The following ASB2 variants were observed in gnomAD, a reference collection of about 807,000 sequenced individuals.
ASB2 encodes ankyrin repeat and SOCS box protein 2.
Under a neutral mutation model 62.4 loss-of-function variants are expected in ASB2, and 58 were observed. The observed-to-expected ratio is 0.93, with a 90% CI of 0.75 to 1.16. The LOEUF (loss-of-function observed/expected upper bound fraction) is 1.16. Ranked by LOEUF, ASB2 falls within the 50% of genes most tolerant of loss-of-function variation. ASB2 has a pLI of 0.00. For missense variants in ASB2, 928 were observed against 887.9 expected, an observed-to-expected ratio of 1.05 and a Z score of -0.57; for synonymous variants, 386 against 385.3, an observed-to-expected ratio of 1.00 and a Z score of -0.02.
rs182149151 is a variant in ASB2, at chr14:93,938,726, C to T, written c.1617+382G>A. On this transcript the variant is annotated intron_variant, in intron 8 of 9. Coordinates refer to ENST00000555019, the MANE Select transcript of ASB2 (RefSeq NM_001202429.2). ...CCTCTTAGTTTGGCAGAGTTCTCCG[C>T]TCCATCATTGGTTCCTTAAATTCCC... 1.9e-4 allele frequency among the ~76,000 whole-genome samples: 29 copies of T among 151,126 alleles called. 1 individual carries two copies. In the Middle Eastern group the frequency reaches 0.01, roughly 53 times the overall value.
At chr14:93,940,838 A>G (rs1888490809) in intron 7 of ASB2, among the ~76,000 whole-genome samples, 1 of 152,222 alleles carries the variant, frequency 6.6e-6, no homozygotes. Context: ...ATGAGGAGAC[A>G]TAAGCCCAGA....
intron 1 of ASB2, among the ~76,000 whole-genome samples, chr14:93,966,606 A>G (rs1454751348): frequency 6.6e-6 from 1 of 152,250 alleles, no homozygotes; most frequent in Admixed American, 6.5e-5. Flanking sequence ...ATTATGTTGC[A>G]GAACTGCTGA....
chr14:93,949,956 A>C (rs1888890944), intron 6 of ASB2, among the ~76,000 whole-genome samples: 2 of 152,168 alleles, frequency 1.3e-5, no homozygotes, highest in Admixed American at 1.3e-4. Flanking sequence ...ACCTGGGCAG[A>C]GTCCCGTGCT....
chr14:93,967,358 GTC>G (rs60663783), intron 1 of ASB2, among the ~76,000 whole-genome samples: 9,117 of 152,128 alleles, frequency 0.06, 747 homozygotes, highest in African/African-American at 0.18. Flanking sequence ...TCTAAAGCTG[GTC>G]TGGCTTTACA....
chr14:93,972,277 T>C (rs1439138098), intron 1 of ASB2, among the ~76,000 whole-genome samples: 1 of 151,954 alleles, frequency 6.6e-6, no homozygotes, highest in African/African-American at 2.4e-5. Flanking sequence ...AACTTATCTT[T>C]CTGATCTGCC....
intron 9 of ASB2, among the ~76,000 whole-genome samples, chr14:93,936,555 C>T (rs1018358415): frequency 2.6e-5 from 4 of 152,230 alleles, no homozygotes; most frequent in African/African-American, 4.8e-5. Context: ...GGCAAGCTGA[C>T]GCCTCCCTCC....
chr14:93,961,186 TTATTTG>T (rs1889398600), intron 2 of ASB2, among the ~76,000 whole-genome samples: 1 of 152,168 alleles, frequency 6.6e-6, no homozygotes, highest in Admixed American at 6.5e-5. Flanking sequence ...CCACCTCATC[TTATTTG>T]CTTTTCACAG....
intron 2 of ASB2, among the ~76,000 whole-genome samples, chr14:93,960,270 G>A (rs1206288736): frequency 6.6e-6 from 1 of 152,184 alleles, no homozygotes; most frequent in Non-Finnish European, 1.5e-5. Flanking sequence ...CTCTGTAACT[G>A]AGGAAGCTGT....
chr14:93,942,863 G>A (rs1156880492), intron 7 of ASB2, among the ~76,000 whole-genome samples: 1 of 152,156 alleles, frequency 6.6e-6, no homozygotes, highest in African/African-American at 2.4e-5. Flanking sequence ...TGATGATGAT[G>A]ATGATGATGA....
At chr14:93,940,792 C>A (rs1444338289) in intron 7 of ASB2, among the ~76,000 whole-genome samples, 2 of 152,196 alleles carry the variant, frequency 1.3e-5, no homozygotes, top group African/African-American at 4.8e-5. Flanking sequence ...CCCAGTAGCC[C>A]TCTGAAGTGA....
chr14:93,938,486 G>A (rs1021388504), intron 8 of ASB2, among the ~76,000 whole-genome samples: 6 of 151,846 alleles, frequency 4.0e-5, no homozygotes, highest in African/African-American at 7.3e-5. Flanking sequence ...GTGATCCGCC[G>A]GCCTCGGCCT....
rs368100389 is a variant in ASB2 at position 93,947,465 on chromosome 14, G to T, written c.936C>A (p.Cys312Ter). 12 of 1,614,130 alleles carry T rather than the reference G, an allele frequency of 7.4e-6. No individual in the cohort carries two copies. The highest frequency in any genetic ancestry group is 2.7e-5 in the African/African-American group (2 of 74,948). ...CCACCACCTCCTCATGCTCATTCTT[G>T]CAGGCCTCGTAGAGGGCAGACGCGT... The part of the protein sequence containing the change: ...SDNASALYEA[C>*]KNEHEEVVEF... The change falls in exon 7 of 10, where the codon TGC (cysteine) becomes TGA (stop). Residue 312 changes from cysteine (C) to a stop codon, truncating the protein, a stop_gained. Transcript: ENST00000555019. LOFTEE classifies it high-confidence loss of function.
Position 93,937,825 on chromosome 14 carries a change from C to G in ASB2, c.1644G>C (p.Glu548Asp), listed in dbSNP as rs1442623196. Residue 548 changes from glutamate to aspartate, a missense_variant, in exon 9 of 10, where the codon GAG becomes GAC. Glu to Asp is a conservative substitution (Grantham distance 45). Transcript: ENST00000555019. ...VQFCEFVSAP[E>D]VSRWAGPIID... Reference sequence around the variant, plus strand: ...TGATGGGCCCCGCCCAGCGGCTCACCTCTGGGGCAGATACGAACTCACAGA... The same window carrying G: ...TGATGGGCCCCGCCCAGCGGCTCACGTCTGGGGCAGATACGAACTCACAGA... 6.2e-7 allele frequency: 1 copy of G among 1,604,190 alleles called. No individual in the cohort carries two copies. Among genetic ancestry groups the G allele is most frequent in the Non-Finnish European group, 8.5e-7 (1 of 1,171,964 alleles).
At chr14:93,970,308 C>T (rs896984700) in intron 1 of ASB2, among the ~76,000 whole-genome samples, 24 of 152,168 alleles carry the variant, frequency 1.6e-4, no homozygotes, top group Non-Finnish European at 2.6e-4. Flanking sequence ...GGACTTGGGT[C>T]GGACATGTGA....
intron 1 of ASB2, among the ~76,000 whole-genome samples, chr14:93,966,588 G>A (rs1212715935): frequency 6.6e-6 from 1 of 152,154 alleles, no homozygotes; most frequent in Non-Finnish European, 1.5e-5. Flanking sequence ...AGTTTTTCTG[G>A]GTCCTTCATT....
intron 6 of ASB2, among the ~76,000 whole-genome samples, chr14:93,949,586 G>A (rs1251657603): frequency 6.6e-6 from 1 of 152,208 alleles, no homozygotes; most frequent in Non-Finnish European, 1.5e-5. Flanking sequence ...CCAGTGAGCC[G>A]CCCTAACCCT....
In ASB2 at chr14:93,964,511, C is replaced by A; in HGVS notation, c.29G>T (p.Ser10Ile). ...CTCCTCCTGCCCAATGGTACACTGG[C>A]TGCCCCGAGTGCTGATCTGCGTGGC... MATQISTRG[S>I]QCTIGQEEYS... The change falls in exon 2 of 10, where the codon AGC (serine) becomes ATC (isoleucine). Residue 10 changes from serine (S) to isoleucine (I), a missense_variant. Coordinates refer to ENST00000555019, the MANE Select transcript of ASB2 (RefSeq NM_001202429.2). 5 of 1,536,144 alleles carry A rather than the reference C, an allele frequency of 3.3e-6. No homozygotes were observed. The highest frequency in any genetic ancestry group is 4.4e-6 in the Non-Finnish European group (5 of 1,146,904).
chr14:93,935,207 A>G (rs1000551754), intron 9 of ASB2, among the ~76,000 whole-genome samples: 1 of 152,096 alleles, frequency 6.6e-6, no homozygotes, highest in African/African-American at 2.4e-5. Flanking sequence ...AAGTGCCCCT[A>G]CATGTGGAAT....
chr14:93,953,600 A>G lies in ASB2; in HGVS notation c.479-93T>C, dbSNP rs1484546557. 7 of 1,094,492 alleles carry G rather than the reference A, an allele frequency of 6.4e-6. No homozygotes were observed. In the East Asian group the frequency reaches 1.3e-4, roughly 21 times the overall value. The allele number at this position is 1,094,492 out of a possible 1,614,324, so 67.8% of individuals were successfully genotyped here. On this transcript the variant is annotated intron_variant, in intron 4 of 9. Transcript: ENST00000555019. ...CCGATTGCCTCCCAATTTCAAGAAC[A>G]ATGTATGACATCCTCTGAAATTTAC...
Sources: allele counts gnomAD v4.1 joint callset (sites outside exome capture counted in the v4.1 genomes callset), GRCh38; gene constraint gnomAD v4.1.1; transcripts MANE v1.5; gene names NCBI Gene and HGNC (gene_info 2026-07-23, HGNC 2026-07-21).